GRM8: variants seen among roughly 807,000 people sequenced by gnomAD.
GRM8 encodes metabotropic glutamate receptor 8.
A neutral mutation model predicts 87.2 loss-of-function variants in GRM8; 47 were observed. That is an observed-to-expected ratio of 0.54 (90% CI 0.43 to 0.69). GRM8 has a LOEUF of 0.69. Among genes scored for constraint, GRM8 ranks in the 30% least tolerant of loss-of-function variants. GRM8 has a pLI of 0.00. For synonymous variants in GRM8, 396 were observed against 404.5 expected (o/e 0.98, Z 0.25); for missense variants, 1,019 against 1,139.2 (o/e 0.89, Z 1.52).
intron 3 of GRM8, among the ~76,000 whole-genome samples, chr7:126,928,884 C>T (rs773806698): frequency 6.6e-5 from 10 of 151,952 alleles, no homozygotes; most frequent in Non-Finnish European, 1.0e-4. Context: ...AAAAAAAATA[C>T]GTATTCAAGG....
intron 2 of GRM8, chr7:127,229,449 G>C (rs1797547716): frequency 6.6e-6 from 1 of 152,178 alleles, no homozygotes. Context: ...CTCACTAGAT[G>C]CCTGGGCTAC....
intron 7 of GRM8, among the ~76,000 whole-genome samples, chr7:126,750,633 T>A (rs1222893576): frequency 6.6e-6 from 1 of 152,120 alleles, no homozygotes; most frequent in Non-Finnish European, 1.5e-5. Context: ...CATATTTGTT[T>A]TAGCCACTGT....
chr7:126,493,803 C>T (rs1281713052), intron 9 of GRM8, among the ~76,000 whole-genome samples: 1 of 152,014 alleles, frequency 6.6e-6, no homozygotes, highest in South Asian at 2.1e-4. Context: ...CTGTCTTTTA[C>T]CCAGACATCT....
intron 3 of GRM8, among the ~76,000 whole-genome samples, chr7:126,921,451 TGAA>T (rs1469935826): frequency 6.6e-6 from 1 of 151,792 alleles, no homozygotes; most frequent in Non-Finnish European, 1.5e-5. Context: ...TTCTCAGAAC[TGAA>T]GAATAAGAAC....
chr7:127,137,496 C>T (rs1245399597), intron 2 of GRM8, among the ~76,000 whole-genome samples: 1 of 152,078 alleles, frequency 6.6e-6, no homozygotes, highest in African/African-American at 2.4e-5. Context: ...TTGCAGTTGG[C>T]TCCTCCTGTA....
At chr7:127,122,106 T>C (rs543980428) in intron 2 of GRM8, among the ~76,000 whole-genome samples, 2 of 152,300 alleles carry the variant, frequency 1.3e-5, no homozygotes, top group East Asian at 3.9e-4. Context: ...GCTGAGGCAC[T>C]GGGATACACT....
chr7:126,899,621 T>A (rs566820880), intron 6 of GRM8, among the ~76,000 whole-genome samples: 1 of 152,326 alleles, frequency 6.6e-6, no homozygotes, highest in South Asian at 2.1e-4. Flanking sequence ...GTGTGTACCT[T>A]CTTTTCCCCC....
At chr7:126,512,281 A>G (rs1304936597) in intron 9 of GRM8, 1 of 152,198 alleles carries the variant, frequency 6.6e-6, no homozygotes, top group Non-Finnish European at 1.5e-5. Flanking sequence ...CCCATTATTA[A>G]CTGTGCTGGT....
intron 3 of GRM8, among the ~76,000 whole-genome samples, chr7:127,015,144 GAAGAAGGA>G (rs750433455): frequency 2.3e-5 from 3 of 133,318 alleles, no homozygotes; most frequent in African/African-American, 8.7e-5. Context: ...AAGGAAGAAG[GAAGAAGGA>G]AGAAGGAGAA....
intron 2 of GRM8, among the ~76,000 whole-genome samples, chr7:127,197,987 A>C (rs1289952746): frequency 6.9e-6 from 1 of 145,668 alleles, no homozygotes; most frequent in African/African-American, 2.5e-5. Flanking sequence ...TGTGGAATCA[A>C]AAAAAAAAGG....
chr7:127,034,441 G>A (rs1173923652), intron 3 of GRM8, among the ~76,000 whole-genome samples: 1 of 152,132 alleles, frequency 6.6e-6, no homozygotes. Context: ...CAGGTACACT[G>A]CCCCAAAATA....
intron 3 of GRM8, among the ~76,000 whole-genome samples, chr7:126,927,174 C>T (rs1437675535): frequency 6.6e-6 from 1 of 152,192 alleles, no homozygotes; most frequent in Non-Finnish European, 1.5e-5. Context: ...CTCACTCCAT[C>T]ACCCAGGCTA....
At chr7:126,803,375 T>G (rs1034727934) in intron 6 of GRM8, among the ~76,000 whole-genome samples, 1 of 152,178 alleles carries the variant, frequency 6.6e-6, no homozygotes, top group African/African-American at 2.4e-5. Context: ...AATACAAAAC[T>G]ACTTACACAG....
At chr7:126,935,947 G>A (rs1331901698) in intron 3 of GRM8, among the ~76,000 whole-genome samples, 1 of 152,066 alleles carries the variant, frequency 6.6e-6, no homozygotes, top group Non-Finnish European at 1.5e-5. Flanking sequence ...ATTCAGACAG[G>A]GTAAGCTCAT....
At chr7:126,756,993 T>C (rs1272670229) in intron 7 of GRM8, among the ~76,000 whole-genome samples, 4 of 152,188 alleles carry the variant, frequency 2.6e-5, no homozygotes, top group African/African-American at 9.6e-5. Flanking sequence ...TACTAAAATG[T>C]AAACCTTTAT....
At chr7:127,160,015 T>C (rs1792999723) in intron 2 of GRM8, among the ~76,000 whole-genome samples, 1 of 152,188 alleles carries the variant, frequency 6.6e-6, no homozygotes, top group Admixed American at 6.5e-5. Flanking sequence ...TGTAAAAGAA[T>C]ATGTTTAATA....
intron 6 of GRM8, among the ~76,000 whole-genome samples, chr7:126,790,922 A>C (rs1479562066): frequency 6.6e-6 from 1 of 152,144 alleles, no homozygotes; most frequent in Non-Finnish European, 1.5e-5. Flanking sequence ...AGACTGAAGA[A>C]TGGGAGTCAG....
chr7:126,601,563 T>C (rs1276669711), intron 8 of GRM8, among the ~76,000 whole-genome samples: 2 of 150,380 alleles, frequency 1.3e-5, no homozygotes, highest in East Asian at 4.0e-4. Context: ...GTAAAAGTGT[T>C]CCTATTTCTC....
intron 8 of GRM8, among the ~76,000 whole-genome samples, chr7:126,595,116 G>T (rs1035073583): frequency 1.3e-5 from 2 of 152,048 alleles, no homozygotes; most frequent in African/African-American, 4.8e-5. Flanking sequence ...CATACTGTGT[G>T]ATTTGTTTAC....
Sources: gnomAD v4.1 joint callset for allele counts (sites outside exome capture counted in the v4.1 genomes callset) on GRCh38, gnomAD v4.1.1 for gene constraint, MANE v1.5 for transcripts, NCBI Gene and HGNC (gene_info 2026-07-23, HGNC 2026-07-21) for gene names.